The following CALN1 variants were observed in gnomAD, a reference collection of about 807,000 sequenced individuals.
CALN1 encodes calneuron 1.
A neutral mutation model predicts 30.6 loss-of-function variants in CALN1; 17 were observed. That is an observed-to-expected ratio of 0.56 (90% CI 0.38 to 0.83). The LOEUF is 0.83. CALN1 is among the 40% of genes least tolerant of loss of function. CALN1 has a pLI of 0.00. For missense variants in CALN1, 291 were observed against 354.9 expected, an observed-to-expected ratio of 0.82 and a Z score of 1.45; for synonymous variants, 156 against 131.4, an observed-to-expected ratio of 1.19 and a Z score of -1.28.
Position 72,444,815 on chromosome 7 carries a change from G to A in CALN1, c.-226+2227C>T, listed in dbSNP as rs188232628. 6.6e-5 allele frequency among the ~76,000 whole-genome samples: 10 copies of A among 152,176 alleles called. No homozygotes were observed. The South Asian group carries it at 1.0e-3, about 16-fold the overall frequency. On this transcript the variant is annotated intron_variant, in intron 1 of 6. Transcript: ENST00000395276. ...GTTACAGACAGAGAAACTGACGCCC[G>A]CCCAATGAGATTAATCAGCAGCCCA...
intron 6 of CALN1, 93 bp from the exon 7 acceptor site, chr7:71,787,995 T>C: frequency 6.5e-7 from 1 of 1,548,900 alleles, no homozygotes; most frequent in Non-Finnish European, 8.8e-7. Flanking sequence ...TTGCAACTCT[T>C]CCTCAACAGG....
At chr7:72,116,439 A>C (rs543455675) in intron 3 of CALN1, among the ~76,000 whole-genome samples, 1 of 152,198 alleles carries the variant, frequency 6.6e-6, no homozygotes, top group Admixed American at 6.5e-5. Context: ...GAAATCTCTG[A>C]GGAAGTATAC....
At chr7:72,135,856 G>C (rs2129543108) in intron 3 of CALN1, among the ~76,000 whole-genome samples, 1 of 152,204 alleles carries the variant, frequency 6.6e-6, no homozygotes. Flanking sequence ...TTTTAGGCTG[G>C]GTGCAGTGGC....
intron 3 of CALN1, among the ~76,000 whole-genome samples, chr7:72,162,928 A>G (rs1236103998): frequency 6.6e-6 from 1 of 152,236 alleles, no homozygotes; most frequent in East Asian, 1.9e-4. Flanking sequence ...GAAATATTCC[A>G]GAAAGGAGAG....
At chr7:71,975,627 T>G (rs1419525429) in intron 5 of CALN1, among the ~76,000 whole-genome samples, 3 of 151,886 alleles carry the variant, frequency 2.0e-5, no homozygotes, top group African/African-American at 7.3e-5. Context: ...GATAGGATCT[T>G]GCTTTGTGAC....
chr7:72,301,175 G>A (rs957156412), intron 2 of CALN1, among the ~76,000 whole-genome samples: 3 of 152,124 alleles, frequency 2.0e-5, no homozygotes, highest in Non-Finnish European at 2.9e-5. Context: ...AGGGAGAAGC[G>A]CTGAGAGCAC....
At chr7:72,501,400 CAAAG>C in the CALN1 span, among the ~76,000 whole-genome samples, 6 of 49,990 alleles carry the variant, frequency 1.2e-4, no homozygotes, top group Middle Eastern at 0.013. Flanking sequence ...AAAAAAAAGA[CAAAG>C]AAAAAGAGAA....
chr7:72,180,603 T>G (rs1310501855), intron 3 of CALN1, among the ~76,000 whole-genome samples: 1 of 129,908 alleles, frequency 7.7e-6, no homozygotes, highest in Non-Finnish European at 1.7e-5. Flanking sequence ...TTATGCTTTT[T>G]TTTCTTTTTT....
intron 5 of CALN1, among the ~76,000 whole-genome samples, chr7:71,960,791 C>A (rs2867562): frequency 0.63 from 95,602 of 151,974 alleles, 30,915 homozygotes; most frequent in East Asian, 0.84. Context: ...ATTACCTGGT[C>A]GTGATATTAA....
chr7:72,413,835 A>G (rs1331652655), upstream of CALN1, among the ~76,000 whole-genome samples: 1 of 149,634 alleles, frequency 6.7e-6, no homozygotes, highest in African/African-American at 2.5e-5. Context: ...TGGCACATAC[A>G]CAAACATGCA....
chr7:71,858,398 G>C (rs965218296), intron 5 of CALN1, among the ~76,000 whole-genome samples: 1 of 151,878 alleles, frequency 6.6e-6, no homozygotes, highest in African/African-American at 2.4e-5. Context: ...ACAGACTAAT[G>C]CAACTCCCAA....
At chr7:72,161,767 G>T (rs1788128263) in intron 3 of CALN1, among the ~76,000 whole-genome samples, 1 of 151,986 alleles carries the variant, frequency 6.6e-6, no homozygotes, top group African/African-American at 2.4e-5. Flanking sequence ...GGCCTGTAGG[G>T]GGCAGTGGCG....
At chr7:71,915,224 G>T (rs111872193) in intron 5 of CALN1, among the ~76,000 whole-genome samples, 1 of 152,286 alleles carries the variant, frequency 6.6e-6, no homozygotes, top group East Asian at 1.9e-4. Flanking sequence ...AAAAGCCCAA[G>T]AGAGGATTAA....
chr7:72,100,419 C>G (rs1025756223), intron 4 of CALN1, among the ~76,000 whole-genome samples: 2 of 152,090 alleles, frequency 1.3e-5, no homozygotes, highest in Non-Finnish European at 2.9e-5. Context: ...TGGCCTTAAG[C>G]AGTCATCCTA....
intron 3 of CALN1, among the ~76,000 whole-genome samples, chr7:72,223,644 C>T (rs1397100559): frequency 6.6e-6 from 1 of 152,060 alleles, no homozygotes; most frequent in African/African-American, 2.4e-5. Flanking sequence ...CCATTTGACC[C>T]AGCAAAAAAA....
chr7:72,482,799 T>C, the CALN1 span, among the ~76,000 whole-genome samples: 1 of 152,182 alleles, frequency 6.6e-6, no homozygotes, highest in East Asian at 1.9e-4. Context: ...CCATTCCCAG[T>C]ACTCTTCACT....
chr7:72,213,955 T>C (rs1792590063), intron 3 of CALN1, among the ~76,000 whole-genome samples: 2 of 151,956 alleles, frequency 1.3e-5, no homozygotes, highest in African/African-American at 4.8e-5. Context: ...AAGCTGAGGG[T>C]GGAGTAGAGA....
At chr7:72,183,518 T>C (rs902665921) in intron 3 of CALN1, among the ~76,000 whole-genome samples, 15 of 152,158 alleles carry the variant, frequency 9.9e-5, no homozygotes, top group African/African-American at 3.6e-4. Context: ...ACTGCTAAAA[T>C]GCGAGAAGTT....
At position 72,403,282 on chromosome 7, in the gene CALN1, G is replaced by GCGGCTCCTCTCCCCCTC. The variant is rs1806467318; in HGVS notation, c.71_87dup (p.Pro30GlufsTer25). 1.3e-6 allele frequency: 2 copies of GCGGCTCCTCTCCCCCTC among 1,550,284 alleles called. No individual in the cohort carries two copies. The highest frequency in any genetic ancestry group is 2.7e-5 in the African/African-American group (2 of 73,070). On this transcript the variant is annotated frameshift_variant, in exon 2 of 7. Transcript: ENST00000395275. LOFTEE classifies it high-confidence loss of function. ...GGGAAGTCGGGGGCCTGGCTCCTCG[G>GCGGCTCCTCTCCCCCTC]CGGCTCCTCTCCCCCTCCGAGGGCT...
Sources: allele counts gnomAD v4.1 joint callset (sites outside exome capture counted in the v4.1 genomes callset), GRCh38; gene constraint gnomAD v4.1.1; transcripts MANE v1.5; gene names NCBI Gene and HGNC (gene_info 2026-07-23, HGNC 2026-07-21).